CACNA1B: variants seen among roughly 807,000 people sequenced by gnomAD.
CACNA1B encodes calcium voltage-gated channel subunit alpha1 B, also known as voltage-dependent N-type calcium channel subunit alpha-1B.
Under a neutral mutation model 247.2 loss-of-function variants are expected in CACNA1B, and 70 were observed. That is an observed-to-expected ratio of 0.28 (90% CI 0.23 to 0.35). CACNA1B has a LOEUF of 0.35. Ranked by LOEUF, CACNA1B falls within the 10% of genes least tolerant of loss-of-function variation. CACNA1B has a pLI of 1.00. For missense variants in CACNA1B, 2,367 were observed against 3,197.4 expected, an observed-to-expected ratio of 0.74 and a Z score of 6.26; for synonymous variants, 1,231 against 1,294.4, an observed-to-expected ratio of 0.95 and a Z score of 1.05.
chr9:138,112,630 T>G (rs1276109383), intron 40 of CACNA1B, 125 bp downstream of exon 40: 1 of 661,288 alleles, frequency 1.5e-6, no homozygotes, highest in African/African-American at 1.8e-5. Flanking sequence ...TGGGCTCACC[T>G]CCTCATGAAT....
At chr9:137,948,428 T>C (rs1204193317) in intron 6 of CACNA1B, among the ~76,000 whole-genome samples, 1 of 152,214 alleles carries the variant, frequency 6.6e-6, no homozygotes, top group African/African-American at 2.4e-5. Context: ...TATCGTTCTT[T>C]GTTTTCTTAC....
At chr9:138,066,450 AAG>A (rs141235335) in intron 31 of CACNA1B, among the ~76,000 whole-genome samples, 19 of 150,180 alleles carry the variant, frequency 1.3e-4, no homozygotes, top group South Asian at 2.1e-4. Flanking sequence ...CTAAAAAAAT[AAG>A]AGAGAGAGAG....
At chr9:138,108,308 C>CAAAAAAAAA (rs935431476) in intron 39 of CACNA1B, among the ~76,000 whole-genome samples, 1 of 44,080 alleles carries the variant, frequency 2.3e-5, no homozygotes, top group African/African-American at 7.6e-5. Context: ...AACCCCATCT[C>CAAAAAAAAA]AAAAAAAAAA....
At chr9:138,031,323 G>C (rs1293974656) in intron 20 of CACNA1B, among the ~76,000 whole-genome samples, 1 of 152,108 alleles carries the variant, frequency 6.6e-6, no homozygotes, top group Non-Finnish European at 1.5e-5. Flanking sequence ...TTGGAGATTT[G>C]CCTATTTCTC....
At position 137,954,594 on chromosome 9, in the gene CACNA1B, G is replaced by A. The variant is rs757785632; in HGVS notation, c.1071-1104G>A. ...CCCCCCAGGCCCTCTCATTCTCAGG[G>A]CATGGCCACAGGGATTGGTCTGGGT... On this transcript the variant is annotated intron_variant, in intron 7 of 46. Coordinates refer to ENST00000371372, the MANE Select transcript of CACNA1B (RefSeq NM_000718.4). The surrounding 1 kb of genome is among the most constrained non-coding windows in gnomAD (Gnocchi z 4.1). 6.6e-6 allele frequency among the ~76,000 whole-genome samples: 1 copy of A among 152,154 alleles called. No homozygotes were observed. Among genetic ancestry groups the A allele is most frequent in the Non-Finnish European group, 1.5e-5 (1 of 68,026 alleles).
intron 35 of CACNA1B, 139 bp downstream of exon 35, chr9:138,076,049 C>G: frequency 3.1e-6 from 2 of 638,642 alleles, no homozygotes; most frequent in Non-Finnish European, 5.7e-6. Context: ...CCTCAGCAGG[C>G]CTTTCTGGTT....
At chr9:138,087,594 A>G (rs1960739644) in intron 36 of CACNA1B, among the ~76,000 whole-genome samples, 1 of 150,522 alleles carries the variant, frequency 6.6e-6, no homozygotes, top group Non-Finnish European at 1.5e-5. Context: ...ACGCGCCTGT[A>G]GTCCCAGCTA....
rs1045758872 is a variant in CACNA1B at position 138,014,185 on chromosome 9, G to A, written c.2267+950G>A. On this transcript the variant is annotated intron_variant, in intron 18 of 46. Transcript: ENST00000371372. This position sits in a 1 kb window ranked among gnomAD's most constrained non-coding sequence, Gnocchi z 6.2. ...GTGTGTGATGTGTGTCTGCACTGCTGGGTAAGCATGCTGGCATGTGGATGA... is the reference window on the plus strand; with the variant it reads ...GTGTGTGATGTGTGTCTGCACTGCTAGGTAAGCATGCTGGCATGTGGATGA... 3.3e-5 allele frequency among the ~76,000 whole-genome samples: 5 copies of A among 152,212 alleles called. No homozygotes were observed. Among genetic ancestry groups the A allele is most frequent in the Non-Finnish European group, 7.4e-5 (5 of 68,022 alleles).
chr9:137,983,206 G>A (rs1383768876), intron 12 of CACNA1B, among the ~76,000 whole-genome samples: 2 of 152,226 alleles, frequency 1.3e-5, no homozygotes, highest in African/African-American at 4.8e-5. Context: ...CTCAACATTT[G>A]AATTCTCCAC....
chr9:138,111,415 T>C, intron 39 of CACNA1B, among the ~76,000 whole-genome samples: 1 of 152,230 alleles, frequency 6.6e-6, no homozygotes, highest in East Asian at 1.9e-4. Context: ...GTGTGCTGTA[T>C]GATGCCATTG....
At position 138,052,698 on chromosome 9, in the gene CACNA1B, T is replaced by C. The variant is rs942981584; in HGVS notation, c.3807+510T>C. ...CAAACCTTTATGCAGCAGATTCTTT[T>C]ACTGGAAATTCAAGCCATTGAGACC... On this transcript the variant is annotated intron_variant, in intron 25 of 46. Coordinates refer to ENST00000371372, the MANE Select transcript of CACNA1B (RefSeq NM_000718.4). The surrounding 1 kb of genome is among the most constrained non-coding windows in gnomAD (Gnocchi z 5.1). Among the ~76,000 whole-genome samples the C allele has an allele frequency of 2.0e-5, 3 of 152,206 alleles. No individual in the cohort carries two copies. Among genetic ancestry groups the C allele is most frequent in the Admixed American group, 6.5e-5 (1 of 15,284 alleles).
Position 138,044,002 on chromosome 9 carries a change from G to A in CACNA1B, c.3413+102G>A, listed in dbSNP as rs182253839. ...GCGTGCACTGATTCTGCGCACTTAT[G>A]TAGAGAAACGGCTCTAAATCCCATG... On this transcript the variant is annotated intron_variant, in intron 21 of 46. Transcript: ENST00000371372. 564 of 1,424,170 alleles carry A rather than the reference G, an allele frequency of 4.0e-4. 5 individuals carry two copies. The African/African-American group carries it at 5.6e-3, about 14-fold the overall frequency. The allele number at this position is 1,424,170 out of a possible 1,614,324, so 88.2% of individuals were successfully genotyped here.
chr9:137,881,239 C>G lies in CACNA1B; in HGVS notation c.391-1505C>G, dbSNP rs1482684902. Among the ~76,000 whole-genome samples, 1 of 152,178 alleles carries G rather than the reference C, an allele frequency of 6.6e-6. No individual in the cohort carries two copies. The highest frequency in any genetic ancestry group is 2.4e-5 in the African/African-American group (1 of 41,448). ...ACAAATCAGACCAGAAGGCTCGAGG[C>G]CAGGAAGAGCATGGGCGAGTCAGCA... On this transcript the variant is annotated intron_variant, in intron 2 of 46. Coordinates refer to ENST00000371372, the MANE Select transcript of CACNA1B (RefSeq NM_000718.4). The surrounding 1 kb of genome is among the most constrained non-coding windows in gnomAD (Gnocchi z 4.3).
chr9:137,965,638 G>A (rs969440890), intron 10 of CACNA1B, among the ~76,000 whole-genome samples: 5 of 151,538 alleles, frequency 3.3e-5, no homozygotes, highest in Admixed American at 2.0e-4. Flanking sequence ...TAACCCTGTC[G>A]CCTAGGCTGG....
intron 16 of CACNA1B, 118 bp from the exon 17 acceptor site, chr9:138,009,892 G>A: frequency 1.3e-6 from 1 of 746,524 alleles, no homozygotes. Context: ...TTGGGGAGCT[G>A]GTAGGTGCCA....
intron 36 of CACNA1B, 144 bp downstream of exon 36, chr9:138,078,402 G>T (rs952241410): frequency 1.3e-6 from 1 of 791,800 alleles, no homozygotes. Context: ...TGTTTCCCCA[G>T]AGATGGCGAC....
intron 6 of CACNA1B, among the ~76,000 whole-genome samples, chr9:137,939,797 C>T (rs907274162): frequency 6.2e-5 from 9 of 144,456 alleles, no homozygotes; most frequent in Non-Finnish European, 9.0e-5. Context: ...AGCAAGACTC[C>T]GTCTCAAAAT....
At position 138,102,026 on chromosome 9, in the gene CACNA1B, C is replaced by T. The variant is rs918324753; in HGVS notation, c.5223-685C>T. ...TGTCCTGCCAGCTCCTCCCCCCTCCCGCAGTCTCCCATTTCCCACCCAGCC... is the reference window on the plus strand; with the variant it reads ...TGTCCTGCCAGCTCCTCCCCCCTCCTGCAGTCTCCCATTTCCCACCCAGCC... On this transcript the variant is annotated intron_variant, in intron 37 of 46. Coordinates refer to ENST00000371372, the MANE Select transcript of CACNA1B (RefSeq NM_000718.4). This position sits in a 1 kb window ranked among gnomAD's most constrained non-coding sequence, Gnocchi z 5.4. Among the ~76,000 whole-genome samples, 4 of 152,314 alleles carry T rather than the reference C, an allele frequency of 2.6e-5. No individual in the cohort carries two copies. Among genetic ancestry groups the T allele is most frequent in the South Asian group, 2.1e-4 (1 of 4,822 alleles).
intron 19 of CACNA1B, among the ~76,000 whole-genome samples, chr9:138,024,324 C>T (rs1958892748): frequency 6.6e-6 from 1 of 152,144 alleles, no homozygotes; most frequent in African/African-American, 2.4e-5. Flanking sequence ...ACTCACCAAC[C>T]CCGTGAGGGC....
Sources: gnomAD v4.1 joint callset for allele counts (sites outside exome capture counted in the v4.1 genomes callset) on GRCh38, gnomAD v4.1.1 for gene constraint, Gnocchi (gnomAD v3.1) non-coding constraint, MANE v1.5 for transcripts, NCBI Gene and HGNC (gene_info 2026-07-23, HGNC 2026-07-21) for gene names.